Variants in EBF1 observed in about 807,000 individuals in gnomAD.
The protein encoded by EBF1 is EBF transcription factor 1, also known as transcription factor COE1.
A neutral mutation model predicts 68.4 loss-of-function variants in EBF1; 10 were observed. The ratio of observed to expected loss-of-function variants is 0.15; its 90% CI spans 0.09 to 0.25. The LOEUF (loss-of-function observed/expected upper bound fraction) is 0.25, where lower values mean the gene tolerates loss of function less well. EBF1 is among the 10% of genes least tolerant of loss of function. EBF1 has a pLI of 1.00. For synonymous variants in EBF1, 298 were observed against 299.8 expected (o/e 0.99, Z 0.06); for missense variants, 509 against 794.4 (o/e 0.64, Z 4.32).
intron 6 of EBF1, among the ~76,000 whole-genome samples, chr5:158,910,395 G>A (rs891010062): frequency 2.6e-5 from 4 of 152,168 alleles, no homozygotes; most frequent in Non-Finnish European, 4.4e-5. Flanking sequence ...TTAGAAATTC[G>A]TGGAAGTAAA....
chr5:158,843,082 G>A (rs572545959), intron 6 of EBF1, among the ~76,000 whole-genome samples: 6 of 152,280 alleles, frequency 3.9e-5, no homozygotes, highest in African/African-American at 1.4e-4. Flanking sequence ...TTAGTATCAT[G>A]ATTTCCACAA....
chr5:158,728,215 C>G (rs895731303), intron 11 of EBF1, among the ~76,000 whole-genome samples: 2 of 152,186 alleles, frequency 1.3e-5, no homozygotes, highest in East Asian at 3.9e-4. Context: ...GACAGCCACT[C>G]GGCTCTGAGT....
chr5:158,920,227 G>A (rs1244787732), intron 6 of EBF1, among the ~76,000 whole-genome samples: 1 of 152,028 alleles, frequency 6.6e-6, no homozygotes, highest in Non-Finnish European at 1.5e-5. Context: ...ATCCTATCAG[G>A]TATCATGATT....
At chr5:158,977,174 G>A (rs1302407367) in intron 6 of EBF1, among the ~76,000 whole-genome samples, 1 of 152,186 alleles carries the variant, frequency 6.6e-6, no homozygotes, top group Non-Finnish European at 1.5e-5. Flanking sequence ...AAACCACAAA[G>A]TGAGGCCCGC....
chr5:158,731,160 G>A lies in EBF1; in HGVS notation c.1037-3C>T. ...ATCGATGGTGGGTTCGTTGAGCGCT[G>A]CAATAAAGAAGTCACACAATTAGTA... On this transcript the variant is annotated splice_region_variant and splice_polypyrimidine_tract_variant and intron_variant, in intron 10 of 15. Coordinates refer to ENST00000313708, the MANE Select transcript of EBF1 (RefSeq NM_024007.5). 6.2e-7 allele frequency: 1 copy of A among 1,613,392 alleles called. No homozygotes were observed. The highest frequency in any genetic ancestry group is 8.5e-7 in the Non-Finnish European group (1 of 1,179,552).
At chr5:158,703,529 T>C (rs1314068437) in intron 15 of EBF1, among the ~76,000 whole-genome samples, 3 of 151,998 alleles carry the variant, frequency 2.0e-5, no homozygotes, top group Non-Finnish European at 4.4e-5. Context: ...CTAAATGTTT[T>C]TGACTACCAT....
chr5:158,751,094 A>G (rs1768783020), intron 10 of EBF1, among the ~76,000 whole-genome samples: 1 of 152,178 alleles, frequency 6.6e-6, no homozygotes, highest in African/African-American at 2.4e-5. Flanking sequence ...TATAACCACA[A>G]ATACGAAGAA....
chr5:159,050,152 TTCTC>T (rs148912326), intron 6 of EBF1, among the ~76,000 whole-genome samples: 32,950 of 135,482 alleles, frequency 0.24, 4,185 homozygotes, highest in East Asian at 0.47. Context: ...TCGTTTCTCT[TTCTC>T]TCTCTCTCTC....
chr5:158,906,366 A>G (rs1804620635), intron 6 of EBF1, among the ~76,000 whole-genome samples: 1 of 152,084 alleles, frequency 6.6e-6, no homozygotes, highest in Non-Finnish European at 1.5e-5. Flanking sequence ...TTCGGAACCA[A>G]TCATACATAC....
chr5:158,855,535 T>C (rs6556368), intron 6 of EBF1, among the ~76,000 whole-genome samples: 152,308 of 152,308 alleles, frequency 1, 76,154 homozygotes, highest in Non-Finnish European at 1. Flanking sequence ...CTGGAGGGAT[T>C]TGGCCCTAGT....
intron 6 of EBF1, among the ~76,000 whole-genome samples, chr5:158,956,297 T>A (rs1817059677): frequency 1.3e-5 from 2 of 152,144 alleles, no homozygotes; most frequent in South Asian, 4.1e-4. Context: ...CTCTGAATGT[T>A]TTTCACCAGG....
rs1776529890 is a variant in EBF1 at position 158,781,976 on chromosome 5, G to T, written c.910-4437C>A. 3.9e-5 allele frequency among the ~76,000 whole-genome samples: 6 copies of T among 152,242 alleles called. No homozygotes were observed. The South Asian group carries it at 1.2e-3, about 32-fold the overall frequency. On this transcript the variant is annotated intron_variant, in intron 9 of 15. Coordinates refer to ENST00000313708, the MANE Select transcript of EBF1 (RefSeq NM_024007.5). The stretch of plus-strand genomic sequence containing the variant: ...AGAATAATATTTAGGGTTCGCCAAG[G>T]CCTGATGGCCAGTTTCCCTTCCTAG...
At chr5:159,092,797 C>T (rs1023246998) in intron 4 of EBF1, among the ~76,000 whole-genome samples, 2 of 152,192 alleles carry the variant, frequency 1.3e-5, no homozygotes, top group East Asian at 3.9e-4. Context: ...ATTCCTTCCA[C>T]AATTGATGAT....
intron 6 of EBF1, among the ~76,000 whole-genome samples, chr5:158,919,044 T>C (rs989238532): frequency 6.6e-6 from 1 of 152,200 alleles, no homozygotes; most frequent in African/African-American, 2.4e-5. Flanking sequence ...AAATCACATT[T>C]GGTGAAAGAA....
intron 11 of EBF1, among the ~76,000 whole-genome samples, chr5:158,720,094 T>C (rs775092528): frequency 1.3e-5 from 2 of 152,126 alleles, no homozygotes; most frequent in Non-Finnish European, 2.9e-5. Flanking sequence ...CAACACACAA[T>C]GAAGTGAAAT....
intron 11 of EBF1, 159 bp downstream of exon 11, chr5:158,730,910 T>G: frequency 3.2e-6 from 2 of 615,726 alleles, no homozygotes; most frequent in Non-Finnish European, 5.7e-6. Flanking sequence ...GGCACATAAG[T>G]GCTTGCTACT....
chr5:158,992,881 C>T (rs1451791030), intron 6 of EBF1, among the ~76,000 whole-genome samples: 1 of 148,692 alleles, frequency 6.7e-6, no homozygotes, highest in Non-Finnish European at 1.5e-5. Flanking sequence ...GATTTATCTC[C>T]ACTAAGGGGT....
intron 6 of EBF1, among the ~76,000 whole-genome samples, chr5:158,965,356 A>G (rs903134290): frequency 6.0e-4 from 56 of 93,040 alleles, no homozygotes; most frequent in African/African-American, 2.6e-3. Flanking sequence ...GTTATTTGGG[A>G]AAAAAAATGC....
intron 4 of EBF1, among the ~76,000 whole-genome samples, chr5:159,093,447 G>A (rs145108142): frequency 9.3e-4 from 141 of 152,196 alleles, no homozygotes; most frequent in African/African-American, 2.9e-3. Flanking sequence ...TATGGCAAAT[G>A]ACTTTCTCAT....
Sources: allele counts gnomAD v4.1 joint callset (sites outside exome capture counted in the v4.1 genomes callset), GRCh38; gene constraint gnomAD v4.1.1; transcripts MANE v1.5; gene names NCBI Gene and HGNC (gene_info 2026-07-23, HGNC 2026-07-21).